Variants in ATP10D observed in about 807,000 individuals in gnomAD.
The protein encoded by ATP10D is ATPase phospholipid transporting 10D (putative).
A neutral mutation model predicts 144.8 loss-of-function variants in ATP10D; 89 were observed. The observed-to-expected ratio is 0.61, with a 90% CI of 0.52 to 0.73. The LOEUF is 0.73. Ranked by LOEUF, ATP10D falls within the 30% of genes least tolerant of loss-of-function variation. The pLI is 0.00. For missense variants in ATP10D, 1,603 were observed against 1,714.8 expected, an observed-to-expected ratio of 0.93 and a Z score of 1.15; for synonymous variants, 571 against 615.1, an observed-to-expected ratio of 0.93 and a Z score of 1.06.
At chr4:47,523,980 G>A (rs1717104962) in intron 4 of ATP10D, among the ~76,000 whole-genome samples, 1 of 152,184 alleles carries the variant, frequency 6.6e-6, no homozygotes, top group African/African-American at 2.4e-5. Flanking sequence ...AGGCTGGAGT[G>A]CAGTGGCGCA....
At chr4:47,511,863 G>A (rs1306202723) in intron 1 of ATP10D, among the ~76,000 whole-genome samples, 1 of 152,162 alleles carries the variant, frequency 6.6e-6, no homozygotes, top group Non-Finnish European at 1.5e-5. Context: ...GGCTACAGTG[G>A]TTCCTAGAAC....
chr4:47,543,480 C>T (rs1470743755), intron 9 of ATP10D, among the ~76,000 whole-genome samples: 1 of 152,142 alleles, frequency 6.6e-6, no homozygotes, highest in Non-Finnish European at 1.5e-5. Flanking sequence ...TATCCTTGGC[C>T]TCCACCCACT....
intron 1 of ATP10D, among the ~76,000 whole-genome samples, chr4:47,497,459 T>C (rs1027883590): frequency 6.9e-6 from 1 of 143,938 alleles, no homozygotes; most frequent in Non-Finnish European, 1.5e-5. Flanking sequence ...CCGTCTCAAA[T>C]AAAAAAAAAA....
rs1280164274 is a variant in ATP10D, at chr4:47,581,960, A to G, written c.3649A>G (p.Thr1217Ala). Residue 1217 changes from threonine (T) to alanine (A), a missense_variant and splice_region_variant, in exon 21 of 23, where the codon ACC becomes GCC. By Grantham distance (58) the Thr-to-Ala change is moderately conservative (BLOSUM62 0). Transcript: ENST00000273859. ...SLVCFFVPYF[T>A]YQGSDTDIFA... ...ATCATCTAATGTCCTCTCTTTGTAGACCTACCAGGGCTCAGATACTGACAT... is the reference window on the plus strand; with the variant it reads ...ATCATCTAATGTCCTCTCTTTGTAGGCCTACCAGGGCTCAGATACTGACAT... 15 of 1,612,522 alleles carry G rather than the reference A, an allele frequency of 9.3e-6. No individual in the cohort carries two copies. The highest frequency in any genetic ancestry group is 1.3e-5 in the Non-Finnish European group (15 of 1,178,766).
rs183044796 is a variant in ATP10D at position 47,568,238 on chromosome 4, G to A, written c.2854-599G>A. On this transcript the variant is annotated intron_variant, in intron 15 of 22. Transcript: ENST00000273859. ...CAGAATGCAAGTGCCATGAGGGCAGGAATTTTCATGTTTATTGGTGTAGCT... is the reference window on the plus strand; with the variant it reads ...CAGAATGCAAGTGCCATGAGGGCAGAAATTTTCATGTTTATTGGTGTAGCT... Among the ~76,000 whole-genome samples the A allele has an allele frequency of 9.8e-5, 15 of 152,320 alleles. No individual in the cohort carries two copies. The East Asian group carries it at 2.5e-3, about 25-fold the overall frequency.
At chr4:47,530,007 T>A (rs1045680668) in intron 5 of ATP10D, among the ~76,000 whole-genome samples, 3 of 152,218 alleles carry the variant, frequency 2.0e-5, no homozygotes, top group Non-Finnish European at 4.4e-5. Context: ...GTTTTGAAAC[T>A]TTACCAAAGT....
intron 16 of ATP10D, among the ~76,000 whole-genome samples, chr4:47,571,176 T>C (rs1476876534): frequency 6.6e-6 from 1 of 151,910 alleles, no homozygotes; most frequent in African/African-American, 2.4e-5. Flanking sequence ...GATAAATAAA[T>C]GAATTATTCA....
chr4:47,549,221 C>G (rs13125264), intron 10 of ATP10D, among the ~76,000 whole-genome samples: 2 of 152,092 alleles, frequency 1.3e-5, no homozygotes, highest in African/African-American at 4.8e-5. Context: ...TTATTCTACA[C>G]GAAATGCTCT....
intron 3 of ATP10D, among the ~76,000 whole-genome samples, chr4:47,520,083 T>C (rs1716867981): frequency 6.6e-6 from 1 of 152,214 alleles, no homozygotes; most frequent in South Asian, 2.1e-4. Flanking sequence ...AAGAAACTTG[T>C]TCCTTAGAGC....
At chr4:47,553,773 C>T (rs1465742016) in intron 10 of ATP10D, among the ~76,000 whole-genome samples, 1 of 152,220 alleles carries the variant, frequency 6.6e-6, no homozygotes, top group East Asian at 1.9e-4. Context: ...AACTTTTAAG[C>T]ATAAGTGCAA....
chr4:47,572,540 A>G, intron 17 of ATP10D, among the ~76,000 whole-genome samples: 1 of 152,028 alleles, frequency 6.6e-6, no homozygotes. Context: ...AAGGATTTGA[A>G]TGAAGGACCT....
intron 9 of ATP10D, among the ~76,000 whole-genome samples, chr4:47,538,575 G>C (rs1407807502): frequency 1.3e-5 from 2 of 152,124 alleles, no homozygotes; most frequent in African/African-American, 4.8e-5. Flanking sequence ...TCAGGACTCT[G>C]GGTATAGGAT....
In ATP10D at chr4:47,591,518, G is replaced by A. The variant is rs1210652162; in HGVS notation, c.*137G>A. 1.5e-6 allele frequency: 1 copy of A among 665,578 alleles called. No individual in the cohort carries two copies. The highest frequency in any genetic ancestry group is 2.5e-6 in the Non-Finnish European group (1 of 401,660). The allele number at this position is 665,578 out of a possible 1,614,324, so 41.2% of individuals were successfully genotyped here. On this transcript the variant is annotated 3_prime_UTR_variant, in exon 23 of 23. Transcript: ENST00000273859. ...CTAGGCTTGGAAGAGCTGACATGAT[G>A]AGCATTATTGTATGTTTGTATATAC...
chr4:47,536,962 AC>A, intron 9 of ATP10D, 24 bp downstream of exon 9: 1 of 1,585,130 alleles, frequency 6.3e-7, no homozygotes. Context: ...TTCCGTGAAA[AC>A]CAACCTTAGC....
At chr4:47,558,459 T>C (rs1192773823) in intron 12 of ATP10D, among the ~76,000 whole-genome samples, 186 bp downstream of exon 12, 6 of 152,138 alleles carry the variant, frequency 3.9e-5, no homozygotes, top group Non-Finnish European at 7.3e-5. Context: ...CAGATCTGAG[T>C]TCAAATGTGA....
At chr4:47,520,396 T>C (rs1716882168) in intron 3 of ATP10D, among the ~76,000 whole-genome samples, 1 of 152,130 alleles carries the variant, frequency 6.6e-6, no homozygotes, top group African/African-American at 2.4e-5. Flanking sequence ...CCCTCCTTTT[T>C]CTTCCACCTT....
chr4:47,545,677 A>G (rs1311637645), intron 9 of ATP10D, among the ~76,000 whole-genome samples: 1 of 152,258 alleles, frequency 6.6e-6, no homozygotes, highest in African/African-American at 2.4e-5. Context: ...TTACAAAGAT[A>G]GTACCTATCA....
intron 15 of ATP10D, among the ~76,000 whole-genome samples, chr4:47,565,562 A>G (rs13127414): frequency 0.84 from 128,203 of 152,140 alleles, 54,204 homozygotes; most frequent in East Asian, 0.99. Flanking sequence ...TTCTTTACTC[A>G]TAATGGGAGA....
At chr4:47,507,402 A>G (rs1318751146) in intron 1 of ATP10D, among the ~76,000 whole-genome samples, 1 of 152,200 alleles carries the variant, frequency 6.6e-6, no homozygotes, top group African/African-American at 2.4e-5. Context: ...TGCTGCTTAC[A>G]GGTTTTAGAA....
Sources: gnomAD v4.1 joint callset for allele counts (sites outside exome capture counted in the v4.1 genomes callset) on GRCh38, gnomAD v4.1.1 for gene constraint, MANE v1.5 for transcripts, NCBI Gene and HGNC (gene_info 2026-07-23, HGNC 2026-07-21) for gene names.